Variants in NOC4L observed in about 807,000 individuals in gnomAD.
The protein encoded by NOC4L is nucleolar complex protein 4 homolog.
In NOC4L, 40 loss-of-function variants were observed where a neutral mutation model predicts 62.8. The observed-to-expected ratio is 0.64, with a 90% CI of 0.49 to 0.83. The LOEUF is 0.83. Among genes scored for constraint, NOC4L ranks in the 40% least tolerant of loss-of-function variants. The pLI, the probability that NOC4L is intolerant of heterozygous loss-of-function variation, is 0.00. For missense variants in NOC4L, 927 were observed against 701.9 expected, an observed-to-expected ratio of 1.32 and a Z score of -3.62; for synonymous variants, 433 against 299.8, an observed-to-expected ratio of 1.44 and a Z score of -4.59.
intron 9 of NOC4L, 68 bp from the exon 10 acceptor site, chr12:132,150,913 C>G (rs1296926896): frequency 6.0e-6 from 7 of 1,168,316 alleles, no homozygotes; most frequent in Non-Finnish European, 8.7e-6. Context: ...GACTTACACT[C>G]AGTGTGGGCA....
At chr12:132,147,101 C>T (rs910239659) in intron 3 of NOC4L, among the ~76,000 whole-genome samples, 180 bp from the exon 4 acceptor site, 6 of 152,214 alleles carry the variant, frequency 3.9e-5, no homozygotes, top group South Asian at 2.1e-4. Context: ...GTCATCTCTA[C>T]GTCATGGGTG....
intron 3 of NOC4L, among the ~76,000 whole-genome samples, chr12:132,146,753 C>T (rs948811028): frequency 3.9e-5 from 6 of 152,150 alleles, no homozygotes; most frequent in South Asian, 2.1e-4. Context: ...TTCATGGCTG[C>T]GATTGGCTGG....
Position 132,147,971 on chromosome 12 carries a change from A to G in NOC4L, c.695A>G (p.Lys232Arg). ...CCCACCGTCTCCAGCTTCTATGTGA[A>G]GCGGGCGGGTGAGTGTGCTGAGAGT... ...REPTVSSFYV[K>R]RAELWDTWKV... is the part of the protein sequence containing the mutation. The change falls in exon 6 of 15, where the codon AAG becomes AGG. Residue 232 changes from lysine to arginine, a missense_variant. Physicochemically the swap from Lys to Arg is conservative, Grantham distance 26. Transcript: ENST00000330579. 2 of 1,610,598 alleles carry G rather than the reference A, an allele frequency of 1.2e-6. No individual in the cohort carries two copies. The highest frequency in any genetic ancestry group is 1.1e-5 in the South Asian group (1 of 90,684).
At chr12:132,146,817 G>A (rs561083471) in intron 3 of NOC4L, among the ~76,000 whole-genome samples, 17 of 152,254 alleles carry the variant, frequency 1.1e-4, no homozygotes, top group African/African-American at 3.9e-4. Flanking sequence ...CATCCCGCAC[G>A]AGGCTCTTTT....
In NOC4L at chr12:132,151,511, C is replaced by T. The variant is rs368443691; in HGVS notation, c.1101C>T (p.Ala367=). 6.2e-7 allele frequency: 1 copy of T among 1,605,780 alleles called. No individual in the cohort carries two copies. The highest frequency in any genetic ancestry group is 1.3e-5 in the African/African-American group (1 of 75,010). Residue 367 remains alanine, a synonymous_variant, in exon 12 of 15, where the codon GCC becomes GCT. Coordinates refer to ENST00000330579, the MANE Select transcript of NOC4L (RefSeq NM_024078.3). ...ACCTCCCCGCCTACCTGGTGGCCGC[C>T]TTCGCCAAGCGGCTGGCCCGCCTGG... The part of the protein sequence containing the change: ...SSHLPAYLVA[A]FAKRLARLAL...
rs990570114 is a variant in NOC4L at position 132,147,903 on chromosome 12, T to C, written c.627T>C (p.Asn209=). The change falls in exon 6 of 15, where the codon AAT becomes AAC. Residue 209 remains asparagine, a synonymous_variant. Transcript: ENST00000330579. ...HPEVPPAFWN[N]AFTLLSAVSL... ...AGGTGCCCCCCGCCTTTTGGAACAA[T>C]GCCTTCACGCTGCTGTCTGCCGTGA... 6.8e-6 allele frequency: 11 copies of C among 1,607,070 alleles called. No homozygotes were observed. Among genetic ancestry groups the C allele is most frequent in the Non-Finnish European group, 9.3e-6 (11 of 1,178,030 alleles).
Position 132,148,652 on chromosome 12 carries a change from A to G in NOC4L, c.782A>G (p.Lys261Arg). 1 of 1,298,390 alleles carries G rather than the reference A, an allele frequency of 7.7e-7. No individual in the cohort carries two copies. The highest frequency in any genetic ancestry group is 1.1e-6 in the Non-Finnish European group (1 of 938,124). 80.4% of individuals were successfully genotyped at this position (1,298,390 alleles called of 1,614,324 possible). ...CAGGCCATGTGGCTCAGCTTCCTCA[A>G]GCACAAGGTAGGGGCCAGGCCGGGG... Reference protein sequence around the residue: ...VFQAMWLSFLKHKLPLSLYKK... With the variant: ...VFQAMWLSFLRHKLPLSLYKK... Residue 261 changes from lysine to arginine, a missense_variant, in exon 8 of 15, where the codon AAG becomes AGG. By Grantham distance (26) the Lys-to-Arg change is conservative (BLOSUM62 2). Transcript: ENST00000330579.
chr12:132,147,423 G>C (rs1232756498), intron 4 of NOC4L, 35 bp downstream of exon 4: 4 of 1,535,350 alleles, frequency 2.6e-6, no homozygotes, highest in Non-Finnish European at 2.7e-6. Context: ...AGAGGGCCTG[G>C]CTGGCTGGCC....
In NOC4L at chr12:132,152,376, G is replaced by C. The variant is rs779113664; in HGVS notation, c.1526G>C (p.Cys509Ser). The change falls in exon 15 of 15, where the codon TGT becomes TCT. Residue 509 changes from cysteine to serine, a missense_variant. By Grantham distance (112) the Cys-to-Ser change is moderately radical. Coordinates refer to ENST00000330579, the MANE Select transcript of NOC4L (RefSeq NM_024078.3). The stretch of plus-strand genomic sequence containing the variant: ...CTGCTGGGACGGCCGGGTGAACTCT[G>C]TGCCCAGCACTTCACGCTCAGCTGA... ...QGLLGRPGEL[C>S]AQHFTLS is the part of the protein sequence containing the mutation. The C allele has an allele frequency of 2.6e-5, 41 of 1,580,294 alleles. No homozygotes were observed. The South Asian group carries it at 4.4e-4, about 17-fold the overall frequency.
chr12:132,145,198 G>A (rs1313695474), intron 2 of NOC4L, among the ~76,000 whole-genome samples: 2 of 152,342 alleles, frequency 1.3e-5, no homozygotes, highest in African/African-American at 4.8e-5. Context: ...GACTTTTTGT[G>A]TGCTTTGCAC....
Position 132,152,164 on chromosome 12 carries a change from C to G in NOC4L, c.1398C>G (p.Ser466Arg). The G allele has an allele frequency of 1.2e-6, 2 of 1,612,276 alleles. No individual in the cohort carries two copies. The highest frequency in any genetic ancestry group is 1.7e-6 in the Non-Finnish European group (2 of 1,179,858). ...INQALSMPEVSIAPLLELTAY... is the reference protein window; with the variant it reads ...INQALSMPEVRIAPLLELTAY... ...AGGCCCTGTCCATGCCTGAGGTCAGCATCGCGCCACTGCTGGAGCTCACGG... is the reference window on the plus strand; with the variant it reads ...AGGCCCTGTCCATGCCTGAGGTCAGGATCGCGCCACTGCTGGAGCTCACGG... The change falls in exon 14 of 15, where the codon AGC becomes AGG. Residue 466 changes from serine (S) to arginine (R), a missense_variant. By Grantham distance (110) the Ser-to-Arg change is moderately radical. Coordinates refer to ENST00000330579, the MANE Select transcript of NOC4L (RefSeq NM_024078.3).
intron 3 of NOC4L, 40 bp from the exon 4 acceptor site, chr12:132,147,241 G>C: frequency 7.0e-7 from 1 of 1,419,442 alleles, no homozygotes; most frequent in Non-Finnish European, 9.4e-7. Flanking sequence ...CATCCGTGGG[G>C]TGAGGGCATC....
chr12:132,146,574 C>T (rs1010348977), intron 3 of NOC4L, among the ~76,000 whole-genome samples: 5 of 152,216 alleles, frequency 3.3e-5, no homozygotes, highest in Admixed American at 1.3e-4. Context: ...TTACCCTCCC[C>T]CTGGCAGCAT....
chr12:132,152,264 G>A lies in NOC4L; in HGVS notation c.1432-18G>A, dbSNP rs759327906. 19 of 1,577,912 alleles carry A rather than the reference G, an allele frequency of 1.2e-5. No homozygotes were observed. Among genetic ancestry groups the A allele is most frequent in the African/African-American group, 5.4e-5 (4 of 74,018 alleles). On this transcript the variant is annotated intron_variant, in intron 14 of 14. Coordinates refer to ENST00000330579, the MANE Select transcript of NOC4L (RefSeq NM_024078.3). Reference sequence around the variant, plus strand: ...CGCTGAGCCAAGCCTGAGAGCCGCCGTGCTTTGTGCTTTGCAGATCTTTGA... The same window carrying A: ...CGCTGAGCCAAGCCTGAGAGCCGCCATGCTTTGTGCTTTGCAGATCTTTGA...
intron 8 of NOC4L, 23 bp downstream of exon 8, chr12:132,148,682 G>T (rs1311875002): frequency 1.9e-6 from 3 of 1,539,000 alleles, no homozygotes; most frequent in African/African-American, 1.4e-5. Context: ...CCGGGGAGGG[G>T]GCGGGGGCGG....
intron 3 of NOC4L, chr12:132,146,119 G>A (rs1460300659): frequency 2.0e-5 from 8 of 400,266 alleles, no homozygotes; most frequent in East Asian, 7.3e-5. Context: ...TTATCGCCCC[G>A]AAAAGAAATC....
rs1372665065 is a variant in NOC4L at position 132,144,567 on chromosome 12, G to A, written c.79G>A (p.Glu27Lys). 6.6e-7 allele frequency: 1 copy of A among 1,521,644 alleles called. No individual in the cohort carries two copies. The highest frequency in any genetic ancestry group is 8.8e-7 in the Non-Finnish European group (1 of 1,142,382). 94.3% of individuals were successfully genotyped at this position (1,521,644 alleles called of 1,614,324 possible). Residue 27 changes from glutamate (E) to lysine (K), a missense_variant, in exon 1 of 15, where the codon GAG becomes AAG. Glu to Lys is a moderately conservative substitution (Grantham distance 56, BLOSUM62 1). Coordinates refer to ENST00000330579, the MANE Select transcript of NOC4L (RefSeq NM_024078.3). ...RLEAVLASRS[E>K]ANAVFDILAV... ...GGAGGCGGTGCTGGCGAGCCGCAGT[G>A]AGGCCAACGCCGTGTTCGACATCCT...
chr12:132,147,436 A>T lies in NOC4L; in HGVS notation c.453+48A>T, dbSNP rs201730175. ...CCAGAGGGCCTGGCTGGCTGGCCAG[A>T]TCCCAGGATGGCCCCGTAGTGGGGG... On this transcript the variant is annotated intron_variant, in intron 4 of 14. Transcript: ENST00000330579. The T allele has an allele frequency of 8.6e-5, 131 of 1,518,994 alleles. No individual in the cohort carries two copies. The East Asian group carries it at 2.5e-3, about 29-fold the overall frequency. 94.1% of individuals were successfully genotyped at this position (1,518,994 alleles called of 1,614,324 possible).
intron 3 of NOC4L, 35 bp downstream of exon 3, chr12:132,145,700 C>A (rs747832749): frequency 1.4e-6 from 2 of 1,429,936 alleles, no homozygotes; most frequent in Admixed American, 1.7e-5. Flanking sequence ...CTTGTCCATC[C>A]CCTGCACCCC....
Sources: allele counts gnomAD v4.1 joint callset (sites outside exome capture counted in the v4.1 genomes callset), GRCh38; gene constraint gnomAD v4.1.1; transcripts MANE v1.5; gene names NCBI Gene and HGNC (gene_info 2026-07-23, HGNC 2026-07-21).